The following EDA variants were observed in gnomAD, a reference collection of about 807,000 sequenced individuals.
EDA encodes the protein ectodysplasin-A.
Under a neutral mutation model 23.6 loss-of-function variants are expected in EDA, and 2 were observed. The ratio of observed to expected loss-of-function variants is 0.08; its 90% CI spans 0.03 to 0.27. The LOEUF is 0.27. Among genes scored for constraint, EDA ranks in the 10% least tolerant of loss-of-function variants. EDA has a pLI of 1.00. For synonymous variants in EDA, 131 were observed against 132.0 expected, an observed-to-expected ratio of 0.99 and a Z score of 0.05; for missense variants, 229 against 324.2, an observed-to-expected ratio of 0.71 and a Z score of 2.26.
chrX:69,878,715 G>GACACAC (rs61027280), intron 1 of EDA, among the ~76,000 whole-genome samples: 182 of 99,116 alleles, frequency 1.8e-3, no homozygotes, highest in East Asian at 0.015. Flanking sequence ...CCTTCACCAA[G>GACACAC]ACACACACAC....
rs755392614 is a variant in EDA at position 69,775,725 on chromosome X, T to A, written c.396+159021T>A. Among the ~76,000 whole-genome samples the A allele has an allele frequency of 6.2e-5, 7 of 112,301 alleles. No individual in the cohort carries two copies. The East Asian group carries it at 2.0e-3, about 31-fold the overall frequency. The stretch of plus-strand genomic sequence containing the variant: ...TTATAAAATTTAAATGAGATTAATT[T>A]AATGAACGCCAAAATTTGAAATAAA... On this transcript the variant is annotated intron_variant, in intron 1 of 7. Transcript: ENST00000374552.
At chrX:69,671,484 G>A (rs1172959937) in intron 1 of EDA, among the ~76,000 whole-genome samples, 3 of 111,098 alleles carry the variant, frequency 2.7e-5, no homozygotes, top group South Asian at 3.9e-4. Context: ...TGAGGCATAT[G>A]TTCACTCTCC....
At chrX:70,011,891 C>T (rs1402346642) in intron 2 of EDA, among the ~76,000 whole-genome samples, 1 of 111,713 alleles carries the variant, frequency 9.0e-6, no homozygotes, top group Non-Finnish European at 1.9e-5. Flanking sequence ...GTAGTGTCCC[C>T]TAATTTAGCA....
At chrX:69,918,682 A>T (rs2018381554) in intron 1 of EDA, among the ~76,000 whole-genome samples, 4 of 112,085 alleles carry the variant, frequency 3.6e-5, no homozygotes. Flanking sequence ...CTGTGAAGAC[A>T]GTCAACTCTG....
intron 1 of EDA, among the ~76,000 whole-genome samples, chrX:69,951,102 A>G (rs1363365602): frequency 1.4e-5 from 1 of 70,062 alleles, no homozygotes; most frequent in Non-Finnish European, 3.3e-5. Context: ...AATAATAAAT[A>G]AAAAAAGAAA....
At chrX:69,983,975 G>A (rs1338535042) in intron 2 of EDA, among the ~76,000 whole-genome samples, 1 of 102,364 alleles carries the variant, frequency 9.8e-6, no homozygotes, top group African/African-American at 3.6e-5. Flanking sequence ...CTCACTCAAA[G>A]CCGCTCCACT....
At chrX:69,689,470 G>C (rs1196819019) in intron 1 of EDA, among the ~76,000 whole-genome samples, 1 of 108,479 alleles carries the variant, frequency 9.2e-6, no homozygotes, top group Non-Finnish European at 1.9e-5. Flanking sequence ...CGAGTAGCTG[G>C]GATTACAGGC....
intron 1 of EDA, among the ~76,000 whole-genome samples, chrX:69,853,317 G>C (rs1333546850): frequency 5.4e-5 from 6 of 111,497 alleles, no homozygotes; most frequent in Non-Finnish European, 1.9e-5. Flanking sequence ...CAGATGAAGA[G>C]AGAATGAGGA....
rs762543776 is a variant in EDA, at chrX:70,037,966, T to G, written c.*2357T>G. 2 of 110,773 alleles carry G rather than the reference T, an allele frequency of 1.8e-5. No individual in the cohort carries two copies. Among genetic ancestry groups the G allele is most frequent in the Admixed American group, 1.9e-4 (2 of 10,460 alleles). The allele number at this position is 110,773 out of a possible 1,213,427, so 9.1% of individuals were successfully genotyped here. Reference sequence around the variant, plus strand: ...CAACCATCATGTGTAGAGCCCCTACTGTGGGCAAAGTCCTCCTTTCATTAC... The same window carrying G: ...CAACCATCATGTGTAGAGCCCCTACGGTGGGCAAAGTCCTCCTTTCATTAC... On this transcript the variant is annotated 3_prime_UTR_variant, in exon 8 of 8. Transcript: ENST00000374552.
At chrX:69,983,138 A>T (rs1455326747) in intron 2 of EDA, among the ~76,000 whole-genome samples, 4 of 58,820 alleles carry the variant, frequency 6.8e-5, no homozygotes, top group Non-Finnish European at 1.2e-4. Context: ...TTTTATTTTG[A>T]GCCTATGTGT....
chrX:69,778,962 G>A (rs1382466617), intron 1 of EDA, among the ~76,000 whole-genome samples: 2 of 111,682 alleles, frequency 1.8e-5, no homozygotes, highest in Non-Finnish European at 3.8e-5. Flanking sequence ...GTTATAGTGT[G>A]TAAGTAGCCA....
rs1185310441 is a variant in EDA at position 69,827,131 on chromosome X, C to T, written c.397-129896C>T. ...GACCTTTCTCTCTGGCTGCCCTTAA[C>T]ATTTTTTCTTTCATTTCAACTTTGG... On this transcript the variant is annotated intron_variant, in intron 1 of 7. Coordinates refer to ENST00000374552, the MANE Select transcript of EDA (RefSeq NM_001399.5). 4.5e-5 allele frequency among the ~76,000 whole-genome samples: 5 copies of T among 111,839 alleles called. No individual in the cohort carries two copies. The East Asian group carries it at 1.4e-3, about 31-fold the overall frequency.
chrX:69,844,264 T>C (rs1220448664), intron 1 of EDA, among the ~76,000 whole-genome samples: 1 of 112,211 alleles, frequency 8.9e-6, no homozygotes, highest in Non-Finnish European at 1.9e-5. Context: ...TCATAGCCTT[T>C]GAAAGACAGG....
chrX:69,944,666 C>T (rs2018809291), intron 1 of EDA, among the ~76,000 whole-genome samples: 3 of 111,717 alleles, frequency 2.7e-5, no homozygotes, highest in Non-Finnish European at 5.7e-5. Flanking sequence ...CAAGCACTCC[C>T]TTGGCACCCC....
At position 69,749,921 on chromosome X, in the gene EDA, TC is replaced by T. The variant is rs1402390369; in HGVS notation, c.396+133218del. On this transcript the variant is annotated intron_variant, in intron 1 of 7. Coordinates refer to ENST00000374552, the MANE Select transcript of EDA (RefSeq NM_001399.5). ...TTTAGAAACTTCCTCTCACTAAGGTTCTTTTTTTTTTTTTTTTTTTTTTTTT... is the reference window on the plus strand; with the variant it reads ...TTTAGAAACTTCCTCTCACTAAGGTTTTTTTTTTTTTTTTTTTTTTTTTTT... Among the ~76,000 whole-genome samples, 232 of 52,362 alleles carry T rather than the reference TC, an allele frequency of 4.4e-3. 32 individuals carry two copies. The highest frequency in any genetic ancestry group is 7.8e-3 in the South Asian group (10 of 1,287). 45.5% of individuals were successfully genotyped at this position (52,362 alleles called of 115,157 possible).
Position 69,700,877 on chromosome X carries a change from C to T in EDA, c.396+84173C>T, listed in dbSNP as rs749732411. Among the ~76,000 whole-genome samples, 25 of 110,411 alleles carry T rather than the reference C, an allele frequency of 2.3e-4. 1 individual carries two copies. The highest frequency in any genetic ancestry group is 1.8e-3 in the Admixed American group (19 of 10,340). On this transcript the variant is annotated intron_variant, in intron 1 of 7. Transcript: ENST00000374552. ...TTGATGCATTGGGTACTATGGGGAA[C>T]GTGGAAGTGGAGAGTAGTGTGGAGT...
chrX:69,721,605 G>C (rs1018096456), intron 1 of EDA, among the ~76,000 whole-genome samples: 2 of 111,019 alleles, frequency 1.8e-5, no homozygotes, highest in African/African-American at 6.6e-5. Flanking sequence ...GGGCTCACCT[G>C]ATGTTGTCAG....
At chrX:69,773,131 A>T (rs1165449147) in intron 1 of EDA, among the ~76,000 whole-genome samples, 1 of 112,064 alleles carries the variant, frequency 8.9e-6, no homozygotes, top group Non-Finnish European at 1.9e-5. Flanking sequence ...AAATTTGTCA[A>T]TGATAGACAT....
intron 1 of EDA, among the ~76,000 whole-genome samples, chrX:69,667,527 T>G (rs1933727676): frequency 8.9e-6 from 1 of 112,000 alleles, no homozygotes; most frequent in Admixed American, 9.5e-5. Context: ...TTGTTTATTT[T>G]TTTCAAACAA....
Sources: allele counts gnomAD v4.1 joint callset (sites outside exome capture counted in the v4.1 genomes callset), GRCh38; gene constraint gnomAD v4.1.1; transcripts MANE v1.5; gene names NCBI Gene and HGNC (gene_info 2026-07-23, HGNC 2026-07-21).